Variants in CCDC13 observed in about 807,000 individuals in gnomAD.
The protein encoded by CCDC13 is coiled-coil domain containing 13, also known as coiled-coil domain-containing protein 13.
CCDC13 carries 70 observed loss-of-function variants against 87.3 expected under a neutral mutation model. The ratio of observed to expected loss-of-function variants is 0.80; its 90% CI spans 0.66 to 0.98. The LOEUF is 0.98. CCDC13 is among the 50% of genes least tolerant of loss of function. The pLI is 0.00. For missense variants in CCDC13, 842 were observed against 892.0 expected, an observed-to-expected ratio of 0.94 and a Z score of 0.71; for synonymous variants, 317 against 360.3, an observed-to-expected ratio of 0.88 and a Z score of 1.36.
Position 42,713,182 on chromosome 3 carries a change from G to A in CCDC13, c.1853C>T (p.Ala618Val), listed in dbSNP as rs916819488. The A allele has an allele frequency of 2.5e-6, 4 of 1,613,998 alleles. No individual in the cohort carries two copies. ...EPGKASASQRAAPRTKTGLPT... is the reference protein window; with the variant it reads ...EPGKASASQRVAPRTKTGLPT... ...CCTACCTGTTTTGGTCCTGGGAGCT[G>A]CTCTCTGGGAGGCTGATGCCTTCCC... Residue 618 changes from alanine (A) to valine (V), a missense_variant, in exon 14 of 16, where the codon GCA (alanine) becomes GTA (valine). Ala to Val is a moderately conservative substitution (Grantham distance 64). Transcript: ENST00000310232.
intron 13 of CCDC13, among the ~76,000 whole-genome samples, chr3:42,716,690 T>C (rs576742385): frequency 6.6e-6 from 1 of 151,982 alleles, no homozygotes; most frequent in South Asian, 2.1e-4. Context: ...GGAAAATAAG[T>C]GTTGGTGAGG....
chr3:42,756,527 C>T (rs1354943708), intron 3 of CCDC13, among the ~76,000 whole-genome samples: 1 of 151,828 alleles, frequency 6.6e-6, no homozygotes, highest in Non-Finnish European at 1.5e-5. Flanking sequence ...ACAGGTGACT[C>T]ATCTACCTTT....
chr3:42,744,656 T>G (rs1427513046), intron 7 of CCDC13, among the ~76,000 whole-genome samples: 3 of 150,760 alleles, frequency 2.0e-5, no homozygotes, highest in Non-Finnish European at 4.4e-5. Flanking sequence ...ATACAAAAAA[T>G]TAGCCGGGCG....
chr3:42,772,867 C>A (rs1463657265), intron 1 of CCDC13, among the ~76,000 whole-genome samples: 1 of 152,314 alleles, frequency 6.6e-6, no homozygotes, highest in African/African-American at 2.4e-5. Flanking sequence ...GCTTGTCAGG[C>A]GGACCTGAGT....
intron 13 of CCDC13, among the ~76,000 whole-genome samples, chr3:42,722,974 T>G (rs1177970126): frequency 6.6e-6 from 1 of 152,002 alleles, no homozygotes; most frequent in Non-Finnish European, 1.5e-5. Context: ...TTTTCTTGTA[T>G]TTTTAGTAGA....
chr3:42,719,597 C>A (rs1467310367), intron 13 of CCDC13: 1 of 152,160 alleles, frequency 6.6e-6, no homozygotes, highest in African/African-American at 2.4e-5. Context: ...GCTTAGGACA[C>A]CCATAAGCCT....
chr3:42,730,220 G>A (rs1225397768), intron 13 of CCDC13, among the ~76,000 whole-genome samples: 1 of 152,134 alleles, frequency 6.6e-6, no homozygotes, highest in African/African-American at 2.4e-5. Flanking sequence ...GAGACTCCCA[G>A]CAATGTCCAC....
chr3:42,771,591 C>CA (rs1700110037), intron 1 of CCDC13, among the ~76,000 whole-genome samples: 1 of 151,996 alleles, frequency 6.6e-6, no homozygotes, highest in African/African-American at 2.4e-5. Flanking sequence ...CATAGCTTTA[C>CA]AAAAAATAAA....
At chr3:42,705,526 G>C (rs1208167767), downstream of CCDC13, among the ~76,000 whole-genome samples, 1 of 152,180 alleles carries the variant, frequency 6.6e-6, no homozygotes, top group African/African-American at 2.4e-5. Flanking sequence ...GTGTGGCAGG[G>C]AGAGCCCTCA....
intron 5 of CCDC13, among the ~76,000 whole-genome samples, 160 bp downstream of exon 5, chr3:42,751,776 C>T (rs982296266): frequency 2.0e-5 from 3 of 152,268 alleles, no homozygotes; most frequent in Non-Finnish European, 4.4e-5. Flanking sequence ...GATGTCTGCT[C>T]TGAGGATGCA....
chr3:42,725,030 A>G (rs1698657518), intron 13 of CCDC13, among the ~76,000 whole-genome samples: 1 of 152,246 alleles, frequency 6.6e-6, no homozygotes, highest in East Asian at 1.9e-4. Flanking sequence ...CAATGGCATG[A>G]ATAGGTAGTT....
Position 42,733,911 on chromosome 3 carries a change from C to T in CCDC13, c.1372-302G>A, listed in dbSNP as rs151226205. On this transcript the variant is annotated intron_variant, in intron 10 of 15. Coordinates refer to ENST00000310232, the MANE Select transcript of CCDC13 (RefSeq NM_144719.4). The stretch of plus-strand genomic sequence containing the variant: ...GCATGCGGGGCAGGTCAGAGACTGA[C>T]GTCTCTGAGTGGGTCCGCTTCTCCA... Among the ~76,000 whole-genome samples, 81 of 152,302 alleles carry T rather than the reference C, an allele frequency of 5.3e-4. No individual in the cohort carries two copies. In the East Asian group the frequency reaches 0.013, roughly 24 times the overall value.
At chr3:42,751,801 TG>T in intron 5 of CCDC13, 134 bp downstream of exon 5, 1 of 699,480 alleles carries the variant, frequency 1.4e-6, no homozygotes, top group Non-Finnish European at 2.5e-6. Context: ...TGGTAGACAA[TG>T]GGCACCTGGC....
intron 12 of CCDC13, 60 bp downstream of exon 12, chr3:42,732,827 C>T (rs1204669781): frequency 4.2e-6 from 6 of 1,422,466 alleles, no homozygotes; most frequent in Non-Finnish European, 5.8e-6. Flanking sequence ...GATGGCAATA[C>T]TGGTTGAGCA....
chr3:42,717,772 TATCTCATCTGATGCATGGG>T lies in CCDC13; in HGVS notation c.1719-4475_1719-4457del, dbSNP rs779032354. Among the ~76,000 whole-genome samples the T allele has an allele frequency of 6.8e-4, 104 of 152,346 alleles. 1 individual carries two copies. The highest frequency in any genetic ancestry group is 4.4e-3 in the Admixed American group (68 of 15,306). On this transcript the variant is annotated intron_variant, in intron 13 of 15. Coordinates refer to ENST00000310232, the MANE Select transcript of CCDC13 (RefSeq NM_144719.4). ...AAGTCAAGGTGTCAGAAGGAGTTGC[TATCTCATCTGATGCATGGG>T]ATCCTTTTCCAAGCTCACTCAGGTT...
intron 9 of CCDC13, among the ~76,000 whole-genome samples, chr3:42,737,115 C>T (rs192752647): frequency 6.6e-6 from 1 of 152,148 alleles, no homozygotes; most frequent in Non-Finnish European, 1.5e-5. Flanking sequence ...GCCCTGTGTC[C>T]AAGTGATCTC....
chr3:42,732,983 G>C lies in CCDC13; in HGVS notation c.1512-13C>G. 1 of 1,550,390 alleles carries C rather than the reference G, an allele frequency of 6.4e-7. No homozygotes were observed. The highest frequency in any genetic ancestry group is 1.2e-5 in the South Asian group (1 of 83,936). On this transcript the variant is annotated splice_polypyrimidine_tract_variant and intron_variant, in intron 11 of 15. Transcript: ENST00000310232. ...GCTGGTCACAGAGCTGTGTAAAGGC[G>C]GAAGGGGCCCATCAGCCTGGGAAGG...
Position 42,708,029 on chromosome 3 carries a change from C to T in CCDC13, c.*951G>A, listed in dbSNP as rs1226776951. 6.6e-6 allele frequency among the ~76,000 whole-genome samples: 1 copy of T among 152,144 alleles called. No individual in the cohort carries two copies. Among genetic ancestry groups the T allele is most frequent in the Non-Finnish European group, 1.5e-5 (1 of 68,020 alleles). ...CCATGGCGAGGGAGGTGCACTGTAC[C>T]TTTGACTGGAGCCACTACCTCAAAA... On this transcript the variant is annotated 3_prime_UTR_variant, in exon 16 of 16. Coordinates refer to ENST00000310232, the MANE Select transcript of CCDC13 (RefSeq NM_144719.4).
chr3:42,710,113 C>CTT (rs1200200759), intron 14 of CCDC13, among the ~76,000 whole-genome samples: 18 of 137,500 alleles, frequency 1.3e-4, no homozygotes, highest in African/African-American at 2.9e-4. Flanking sequence ...TTTTTTTTTT[C>CTT]TTTTTTTTTT....
Sources: allele counts gnomAD v4.1 joint callset (sites outside exome capture counted in the v4.1 genomes callset), GRCh38; gene constraint gnomAD v4.1.1; transcripts MANE v1.5; gene names NCBI Gene and HGNC (gene_info 2026-07-23, HGNC 2026-07-21).